Variants in AMBRA1 observed in about 807,000 individuals in gnomAD.
The protein encoded by AMBRA1 is autophagy and beclin 1 regulator 1.
Under a neutral mutation model 125.4 loss-of-function variants are expected in AMBRA1, and 47 were observed. The observed-to-expected ratio is 0.37, with a 90% CI of 0.30 to 0.48. AMBRA1 has a LOEUF of 0.48. Ranked by LOEUF, AMBRA1 falls within the 20% of genes least tolerant of loss-of-function variation. The probability of loss-of-function intolerance (pLI) is 0.99; values close to 1 mark genes in which losing one functional copy is unlikely to be tolerated. For missense variants in AMBRA1, 1,331 were observed against 1,693.4 expected, an observed-to-expected ratio of 0.79 and a Z score of 3.76; for synonymous variants, 626 against 655.5, an observed-to-expected ratio of 0.95 and a Z score of 0.69.
intron 1 of AMBRA1, among the ~76,000 whole-genome samples, chr11:46,567,993 C>T (rs1328543270): frequency 6.6e-6 from 1 of 151,666 alleles, no homozygotes; most frequent in Non-Finnish European, 1.5e-5. Context: ...ACTAAAAATA[C>T]AAAAATTACC....
chr11:46,521,812 G>A (rs192270149), intron 7 of AMBRA1, among the ~76,000 whole-genome samples: 66 of 152,268 alleles, frequency 4.3e-4, no homozygotes, highest in African/African-American at 1.3e-3. Flanking sequence ...GATGTGAGGT[G>A]GGCCAAGGCA....
At chr11:46,463,258 T>C (rs1565184852) in intron 11 of AMBRA1, among the ~76,000 whole-genome samples, 1 of 152,168 alleles carries the variant, frequency 6.6e-6, no homozygotes, top group African/African-American at 2.4e-5. Context: ...CAACTCAAAA[T>C]CTACAAGCCA....
intron 14 of AMBRA1, among the ~76,000 whole-genome samples, chr11:46,425,534 G>A (rs1947084254): frequency 6.6e-6 from 1 of 152,112 alleles, no homozygotes; most frequent in African/African-American, 2.4e-5. Context: ...GAAACTCACT[G>A]ATATCGGTTA....
intron 9 of AMBRA1, among the ~76,000 whole-genome samples, chr11:46,502,413 C>A (rs948021778): frequency 6.6e-6 from 1 of 152,084 alleles, no homozygotes. Flanking sequence ...GCTCATAAGA[C>A]AAAGGAAAAG....
intron 1 of AMBRA1, among the ~76,000 whole-genome samples, chr11:46,549,453 G>C (rs1188534885): frequency 6.6e-6 from 1 of 152,120 alleles, no homozygotes; most frequent in Non-Finnish European, 1.5e-5. Flanking sequence ...TCCATGGATA[G>C]AGATATGGTT....
At chr11:46,501,662 T>A (rs961516336) in intron 9 of AMBRA1, among the ~76,000 whole-genome samples, 11 of 152,318 alleles carry the variant, frequency 7.2e-5, no homozygotes, top group Admixed American at 5.9e-4. Flanking sequence ...TTGATTTACC[T>A]CACCCCACAT....
intron 7 of AMBRA1, among the ~76,000 whole-genome samples, chr11:46,530,984 A>G (rs957222174): frequency 6.6e-6 from 1 of 152,160 alleles, no homozygotes; most frequent in African/African-American, 2.4e-5. Context: ...CCCAGATTCA[A>G]GGAACTCTCC....
chr11:46,445,509 C>T (rs2136761243), intron 11 of AMBRA1, among the ~76,000 whole-genome samples: 1 of 152,262 alleles, frequency 6.6e-6, no homozygotes, highest in South Asian at 2.1e-4. Context: ...TTTTGCTGAA[C>T]CTCTGGGTCA....
intron 14 of AMBRA1, among the ~76,000 whole-genome samples, chr11:46,423,036 G>A (rs1250854637): frequency 1.3e-5 from 2 of 152,154 alleles, no homozygotes. Context: ...GAAGGCTTAA[G>A]GTTTTAGTGA....
chr11:46,417,226 T>C (rs1946585589), intron 15 of AMBRA1, among the ~76,000 whole-genome samples: 1 of 152,080 alleles, frequency 6.6e-6, no homozygotes, highest in Non-Finnish European at 1.5e-5. Context: ...TAATTTTTTG[T>C]ATTTTAGTAG....
chr11:46,481,927 T>C (rs148162271), intron 11 of AMBRA1, among the ~76,000 whole-genome samples: 2 of 152,364 alleles, frequency 1.3e-5, no homozygotes, highest in African/African-American at 4.8e-5. Flanking sequence ...GGAACAGTAC[T>C]TGGTATAGAA....
intron 16 of AMBRA1, 137 bp downstream of exon 16, chr11:46,410,139 C>T (rs1005137818): frequency 5.4e-6 from 4 of 740,366 alleles, no homozygotes; most frequent in East Asian, 5.0e-5. Context: ...TGAAACTGTA[C>T]ACAAAAGATC....
chr11:46,532,129 T>A (rs146690240), intron 7 of AMBRA1, among the ~76,000 whole-genome samples: 331 of 152,130 alleles, frequency 2.2e-3, no homozygotes, highest in South Asian at 0.011. Flanking sequence ...AGAAATAAAT[T>A]AATTAATTAA....
chr11:46,538,979 G>T (rs1952613138), intron 7 of AMBRA1, among the ~76,000 whole-genome samples: 1 of 152,054 alleles, frequency 6.6e-6, no homozygotes, highest in Non-Finnish European at 1.5e-5. Flanking sequence ...TGTGGCCAGT[G>T]GCTACCATCT....
chr11:46,408,468 C>T (rs759735739), intron 17 of AMBRA1, 45 bp downstream of exon 17: 1 of 1,467,834 alleles, frequency 6.8e-7, no homozygotes, highest in Non-Finnish European at 9.1e-7. Context: ...CTCACTCGGT[C>T]TTAGGGTCCC....
intron 7 of AMBRA1, 28 bp downstream of exon 7, chr11:46,541,917 T>C (rs1591070218): frequency 6.3e-7 from 1 of 1,596,824 alleles, no homozygotes; most frequent in East Asian, 2.2e-5. Context: ...AAGCAAGGGA[T>C]GCAGAAGATA....
At chr11:46,554,592 T>C (rs1004355641) in intron 1 of AMBRA1, among the ~76,000 whole-genome samples, 2 of 152,154 alleles carry the variant, frequency 1.3e-5, no homozygotes, top group Admixed American at 6.6e-5. Context: ...AGAAAAATAT[T>C]TGCTGTTGCT....
chr11:46,445,084 A>AC (rs1232895756), intron 11 of AMBRA1, among the ~76,000 whole-genome samples: 3 of 151,618 alleles, frequency 2.0e-5, no homozygotes, highest in Non-Finnish European at 4.4e-5. Flanking sequence ...AAAAAAAAAA[A>AC]CAAAAAAAAA....
Position 46,539,242 on chromosome 11 carries a change from GA to G in AMBRA1, c.2072+2702del, listed in dbSNP as rs1176344062. The stretch of plus-strand genomic sequence containing the variant: ...AGATTTCCATAATAAAATATTAAAA[GA>G]AAAAAAGTGGTTCACTTAAAAATGA... On this transcript the variant is annotated intron_variant, in intron 7 of 17. Coordinates refer to ENST00000683756, the MANE Select transcript of AMBRA1 (RefSeq NM_001387011.1). Among the ~76,000 whole-genome samples the G allele has an allele frequency of 2.6e-5, 4 of 152,076 alleles. 1 individual carries two copies. Among genetic ancestry groups the G allele is most frequent in the African/African-American group, 7.2e-5 (3 of 41,512 alleles).
Sources: gnomAD v4.1 joint callset for allele counts (sites outside exome capture counted in the v4.1 genomes callset) on GRCh38, gnomAD v4.1.1 for gene constraint, MANE v1.5 for transcripts, NCBI Gene and HGNC (gene_info 2026-07-23, HGNC 2026-07-21) for gene names.